Variants in CELA3A observed in about 807,000 individuals in gnomAD.
The protein encoded by CELA3A is chymotrypsin like elastase 3A.
In CELA3A, 35 loss-of-function variants were observed where a neutral mutation model predicts 38.6. The ratio of observed to expected loss-of-function variants is 0.91; its 90% CI spans 0.69 to 1.20. The LOEUF (loss-of-function observed/expected upper bound fraction) is 1.20, where lower values mean the gene tolerates loss of function less well. Ranked by LOEUF, CELA3A falls within the 50% of genes most tolerant of loss-of-function variation. The pLI is 0.00. For synonymous variants in CELA3A, 143 were observed against 136.7 expected, an observed-to-expected ratio of 1.05 and a Z score of -0.32; for missense variants, 343 against 354.2, an observed-to-expected ratio of 0.97 and a Z score of 0.25.
rs889936934 is a variant in CELA3A, at chr1:22,009,841, T to G, written c.779T>G (p.Ile260Ser). Residue 260 changes from isoleucine (I) to serine (S), a missense_variant, in exon 7 of 8, where the codon ATC (isoleucine) becomes AGC (serine). Transcript: ENST00000290122. ...GTGTTCACTCGAGTCTCCGCCTTCA[T>G]CGACTGGATTGAGGAGGTGAGGAGG... ...PTVFTRVSAF[I>S]DWIEETIASH 7 of 1,612,420 alleles carry G rather than the reference T, an allele frequency of 4.3e-6. No homozygotes were observed. Among genetic ancestry groups the G allele is most frequent in the Non-Finnish European group, 5.9e-6 (7 of 1,179,610 alleles).
intron 1 of CELA3A, among the ~76,000 whole-genome samples, 175 bp downstream of exon 1, chr1:22,001,892 G>A (rs1190800918): frequency 6.6e-6 from 1 of 151,184 alleles, no homozygotes; most frequent in Admixed American, 6.6e-5. Context: ...GAGCAGGAGA[G>A]TGGAGGGGAA....
intron 4 of CELA3A, 71 bp from the exon 5 acceptor site, chr1:22,006,807 G>C: frequency 6.4e-7 from 1 of 1,574,520 alleles, no homozygotes; most frequent in Non-Finnish European, 8.6e-7. Flanking sequence ...GAATAGCCTG[G>C]AGCAACGGCT....
intron 2 of CELA3A, 53 bp downstream of exon 2, chr1:22,003,141 C>G: frequency 2.0e-6 from 3 of 1,471,814 alleles, no homozygotes; most frequent in Non-Finnish European, 2.8e-6. Flanking sequence ...GGACCCTAAG[C>G]TCTAATGGCG....
At chr1:22,002,710 C>T (rs1644925632) in intron 1 of CELA3A, 2 of 432,398 alleles carry the variant, frequency 4.6e-6, no homozygotes, top group Non-Finnish European at 4.4e-6. Flanking sequence ...ATAGCTCTCA[C>T]TTTTTGAGGG....
intron 6 of CELA3A, among the ~76,000 whole-genome samples, chr1:22,008,458 G>A (rs1644963979): frequency 6.9e-6 from 1 of 144,100 alleles, no homozygotes; most frequent in African/African-American, 2.5e-5. Context: ...CCAAGACCTT[G>A]TCTAAGAAAA....
chr1:22,002,959 T>C (rs749816428), intron 1 of CELA3A, 44 bp from the exon 2 acceptor site: 18 of 1,551,498 alleles, frequency 1.2e-5, no homozygotes, highest in East Asian at 2.4e-5. Flanking sequence ...CTCTTTGCTT[T>C]TGGGGACCCT....
chr1:22,002,376 T>A (rs1309514377), intron 1 of CELA3A, among the ~76,000 whole-genome samples: 1 of 151,264 alleles, frequency 6.6e-6, no homozygotes, highest in Non-Finnish European at 1.5e-5. Flanking sequence ...TTGCTTTTTT[T>A]TTGTAGAGAT....
chr1:22,009,627 T>C (rs4344303), intron 6 of CELA3A, 78 bp from the exon 7 acceptor site: 338,127 of 1,536,958 alleles, frequency 0.22, 43,832 homozygotes, highest in Admixed American at 0.4. Flanking sequence ...CAGAGTTTCT[T>C]GAAATCCCTA....
intron 6 of CELA3A, among the ~76,000 whole-genome samples, chr1:22,009,242 T>C (rs757198868): frequency 1.4e-4 from 21 of 151,448 alleles, no homozygotes; most frequent in Non-Finnish European, 2.9e-5. Context: ...TGGGCACCTA[T>C]AGTCCCAGCT....
Position 22,007,362 on chromosome 1 carries a change from T to C in CELA3A, c.500-11T>C. 6.2e-7 allele frequency: 1 copy of C among 1,605,630 alleles called. No homozygotes were observed. The highest frequency in any genetic ancestry group is 1.1e-5 in the South Asian group (1 of 90,088). Reference sequence around the variant, plus strand: ...CCCAGACCCCTGACTCGGTGCTTTTTATCCTTGCAGCCAATGGGCCACTCC... The same window carrying C: ...CCCAGACCCCTGACTCGGTGCTTTTCATCCTTGCAGCCAATGGGCCACTCC... On this transcript the variant is annotated splice_polypyrimidine_tract_variant and intron_variant, in intron 5 of 7. Transcript: ENST00000290122.
At chr1:22,007,829 G>C (rs994686693) in intron 6 of CELA3A, among the ~76,000 whole-genome samples, 2 of 151,140 alleles carry the variant, frequency 1.3e-5, no homozygotes, top group African/African-American at 4.9e-5. Context: ...TCAATTCTGT[G>C]GTTCTAAAGT....
intron 7 of CELA3A, chr1:22,011,065 A>G (rs548105756): frequency 6.6e-6 from 1 of 151,870 alleles, no homozygotes; most frequent in East Asian, 1.9e-4. Context: ...TGACATGCAA[A>G]GTCATGAAGC....
At chr1:22,009,659 A>C in intron 6 of CELA3A, 46 bp from the exon 7 acceptor site, 1 of 1,592,926 alleles carries the variant, frequency 6.3e-7, no homozygotes, top group South Asian at 1.1e-5. Context: ...CAGTTCCGTA[A>C]ACCTCAGACA....
At chr1:22,008,700 C>G (rs58053850) in intron 6 of CELA3A, among the ~76,000 whole-genome samples, 1 of 144,166 alleles carries the variant, frequency 6.9e-6, no homozygotes, top group Non-Finnish European at 1.5e-5. Flanking sequence ...TGGAGCTTGC[C>G]GTGAGCCGAG....
rs74062236 is a variant in CELA3A, at chr1:22,007,353, G to A, written c.500-20G>A. On this transcript the variant is annotated intron_variant, in intron 5 of 7. Coordinates refer to ENST00000290122, the MANE Select transcript of CELA3A (RefSeq NM_005747.5). ...CGGTGTGCCCCCAGACCCCTGACTCGGTGCTTTTTATCCTTGCAGCCAATG... is the reference window on the plus strand; with the variant it reads ...CGGTGTGCCCCCAGACCCCTGACTCAGTGCTTTTTATCCTTGCAGCCAATG... 17,405 of 1,599,994 alleles carry A rather than the reference G, an allele frequency of 0.011. 2,249 individuals are homozygous for A. In the African/African-American group the frequency reaches 0.21, roughly 19 times the overall value.
rs767378718 is a variant in CELA3A, at chr1:22,003,091, A to G, written c.129+3A>G. The G allele has an allele frequency of 2.1e-5, 33 of 1,578,040 alleles. 3 individuals carry two copies. Among genetic ancestry groups the G allele is most frequent in the Non-Finnish European group, 2.5e-5 (29 of 1,167,148 alleles). ...TCCCCTACAGCTGGCCCTGGCAGGT[A>G]AGAGCAATAGCAGCTGCCCTCATTC... On this transcript the variant is annotated splice_donor_region_variant and intron_variant, in intron 2 of 7. Coordinates refer to ENST00000290122, the MANE Select transcript of CELA3A (RefSeq NM_005747.5).
chr1:22,004,427 T>G (rs1644936750), intron 2 of CELA3A, among the ~76,000 whole-genome samples: 1 of 151,122 alleles, frequency 6.6e-6, no homozygotes, highest in Non-Finnish European at 1.5e-5. Flanking sequence ...GCTACCATAT[T>G]GGACAGCAAA....
Position 22,007,070 on chromosome 1 carries a change from G to T in CELA3A, c.499+56G>T. 6.9e-6 allele frequency: 11 copies of T among 1,592,994 alleles called. No homozygotes were observed. The South Asian group carries it at 1.2e-4, about 18-fold the overall frequency. ...AGACAGTGGCAGAAAGACAGGGCCT[G>T]GGGGCTGCAGGTTGAAGGTAACACC... On this transcript the variant is annotated intron_variant, in intron 5 of 7. Transcript: ENST00000290122.
rs745435315 is a variant in CELA3A at position 22,005,495 on chromosome 1, G to C, written c.178G>C (p.Gly60Arg). 7 of 1,612,966 alleles carry C rather than the reference G, an allele frequency of 4.3e-6. No homozygotes were observed. The highest frequency in any genetic ancestry group is 5.9e-6 in the Non-Finnish European group (7 of 1,179,646). Residue 60 changes from glycine to arginine, a missense_variant, in exon 3 of 8, where the codon GGT (glycine) becomes CGT (arginine). Transcript: ENST00000290122. Reference protein sequence around the residue: ...KSGSFYHTCGGSLIAPDWVVT... With the variant: ...KSGSFYHTCGRSLIAPDWVVT... ...TGGAAGCTTCTACCACACGTGTGGC[G>C]GTAGCCTCATCGCCCCCGATTGGGT...
Sources: allele counts gnomAD v4.1 joint callset (sites outside exome capture counted in the v4.1 genomes callset), GRCh38; gene constraint gnomAD v4.1.1; transcripts MANE v1.5; gene names NCBI Gene and HGNC (gene_info 2026-07-23, HGNC 2026-07-21).